Variants in CTTNBP2 observed in about 807,000 individuals in gnomAD.
The protein encoded by CTTNBP2 is cortactin binding protein 2, also known as cortactin-binding protein 2.
Under a neutral mutation model 156.9 loss-of-function variants are expected in CTTNBP2, and 108 were observed. The ratio of observed to expected loss-of-function variants is 0.69; its 90% CI spans 0.59 to 0.81. CTTNBP2 has a LOEUF of 0.81. Among genes scored for constraint, CTTNBP2 ranks in the 30% least tolerant of loss-of-function variants. The pLI is 0.00. For missense variants in CTTNBP2, 1,924 were observed against 2,035.4 expected (o/e 0.95, Z 1.05); for synonymous variants, 767 against 751.8 (o/e 1.02, Z -0.33).
rs1453978918 is a variant in CTTNBP2 at position 117,748,554 on chromosome 7, A to G, written c.3349-2455T>C. Among the ~76,000 whole-genome samples, 3 of 152,158 alleles carry G rather than the reference A, an allele frequency of 2.0e-5. No individual in the cohort carries two copies. The East Asian group carries it at 5.8e-4, about 29-fold the overall frequency. ...TCAAGTTAGTCTTGCACAACACGCA[A>G]AATATTCACGATCTCACTTCTGTTC... On this transcript the variant is annotated intron_variant, in intron 12 of 22. Coordinates refer to ENST00000160373, the MANE Select transcript of CTTNBP2 (RefSeq NM_033427.3).
chr7:117,818,131 C>T (rs926672822), intron 2 of CTTNBP2, among the ~76,000 whole-genome samples: 3 of 152,166 alleles, frequency 2.0e-5, no homozygotes, highest in African/African-American at 7.2e-5. Flanking sequence ...TGTATTTGTA[C>T]TTCCATTATT....
intron 2 of CTTNBP2, among the ~76,000 whole-genome samples, chr7:117,827,464 C>T (rs370330197): frequency 6.6e-6 from 1 of 152,096 alleles, no homozygotes; most frequent in African/African-American, 2.4e-5. Flanking sequence ...TCGTCTAGGA[C>T]ATTTCAACTC....
chr7:117,861,096 T>A (rs556992448), intron 2 of CTTNBP2, 113 bp downstream of exon 2: 1 of 666,340 alleles, frequency 1.5e-6, no homozygotes, highest in African/African-American at 1.8e-5. Flanking sequence ...TTTGACCTGA[T>A]GTAACATTTT....
chr7:117,811,403 C>T (rs1230798123), intron 2 of CTTNBP2, among the ~76,000 whole-genome samples: 1 of 151,812 alleles, frequency 6.6e-6, no homozygotes, highest in African/African-American at 2.4e-5. Context: ...TGGGCTCAAA[C>T]AATCCTCCTG....
rs1717961674 is a variant in CTTNBP2 at position 117,735,318 on chromosome 7, C to T, written c.3639G>A (p.Leu1213=). The change falls in exon 15 of 23, where the codon TTG becomes TTA. Residue 1213 remains leucine, a synonymous_variant. Coordinates refer to ENST00000160373, the MANE Select transcript of CTTNBP2 (RefSeq NM_033427.3). The part of the protein sequence containing the change: ...SSLSELLRDF[L]APLENRSTES... The stretch of plus-strand genomic sequence containing the variant: ...CAGTGCTGCGATTTTCAAGAGGTGC[C>T]AAAAAGTCCCTCAATAACTCCGACA... 3 of 1,613,788 alleles carry T rather than the reference C, an allele frequency of 1.9e-6. No individual in the cohort carries two copies. The highest frequency in any genetic ancestry group is 2.5e-6 in the Non-Finnish European group (3 of 1,179,954).
intron 10 of CTTNBP2, among the ~76,000 whole-genome samples, chr7:117,758,786 C>A (rs1452666010): frequency 6.6e-6 from 1 of 152,174 alleles, no homozygotes; most frequent in Non-Finnish European, 1.5e-5. Context: ...CCACAAAACT[C>A]AACGATTTTT....
At chr7:117,794,082 G>A (rs1031279710) in intron 3 of CTTNBP2, among the ~76,000 whole-genome samples, 1 of 152,170 alleles carries the variant, frequency 6.6e-6, no homozygotes, top group Non-Finnish European at 1.5e-5. Context: ...GGCACACAGT[G>A]GTGCTTAATA....
chr7:117,787,530 C>T (rs893874801), intron 4 of CTTNBP2, among the ~76,000 whole-genome samples: 1 of 152,044 alleles, frequency 6.6e-6, no homozygotes, highest in Non-Finnish European at 1.5e-5. Context: ...CAAATTAAAT[C>T]AAATGTATCA....
chr7:117,834,046 T>C lies in CTTNBP2; in HGVS notation c.190-23057A>G, dbSNP rs377128189. Among the ~76,000 whole-genome samples the C allele has an allele frequency of 1.5e-3, 207 of 136,212 alleles. 1 individual carries two copies. Among genetic ancestry groups the C allele is most frequent in the African/African-American group, 4.7e-3 (171 of 36,596 alleles). The allele number at this position is 136,212 out of a possible 152,430, so 89.4% of individuals were successfully genotyped here. On this transcript the variant is annotated intron_variant, in intron 2 of 22. Transcript: ENST00000160373. ...TATTCACTTTGGAACATATTTTCTT[T>C]TTTCTTTCTTCTTTTTTTTTTTTGA...
At chr7:117,779,127 C>A (rs1296252844) in intron 7 of CTTNBP2, among the ~76,000 whole-genome samples, 1 of 152,094 alleles carries the variant, frequency 6.6e-6, no homozygotes, top group African/African-American at 2.4e-5. Context: ...TTGGCTAAGA[C>A]AAGACTATGG....
At chr7:117,714,903 G>GTTTAATGCTTCCTGGGCT (rs879817078) in intron 22 of CTTNBP2, among the ~76,000 whole-genome samples, 17 of 152,182 alleles carry the variant, frequency 1.1e-4, no homozygotes, top group Non-Finnish European at 2.4e-4. Flanking sequence ...AGTTACAGGT[G>GTTTAATGCTTCCTGGGCT]TTTAATGCTT....
chr7:117,809,608 T>C (rs567402738), intron 3 of CTTNBP2, among the ~76,000 whole-genome samples: 8 of 152,356 alleles, frequency 5.3e-5, no homozygotes, highest in African/African-American at 1.9e-4. Flanking sequence ...GAAAGCCTTC[T>C]ATTTTTCTTT....
chr7:117,715,889 C>T (rs920152096), intron 22 of CTTNBP2: 4 of 152,184 alleles, frequency 2.6e-5, no homozygotes, highest in Non-Finnish European at 5.9e-5. Context: ...ACAGAAGAAA[C>T]TGGGCATCTA....
chr7:117,838,519 A>T (rs1802082582), intron 2 of CTTNBP2, among the ~76,000 whole-genome samples: 1 of 152,198 alleles, frequency 6.6e-6, no homozygotes, highest in Admixed American at 6.5e-5. Context: ...AAAATTTTAA[A>T]AATTCATTAA....
chr7:117,735,397 G>T lies in CTTNBP2; in HGVS notation c.3560C>A (p.Ser1187Tyr). ...GATGATGATTTTCTTCTTACTGGGA[G>T]ATTGTTTCACTGGGATCAGACAAGC... ...SSACLIPVKQ[S>Y]PSKKKIIIIL... Residue 1187 changes from serine (S) to tyrosine (Y), a missense_variant, in exon 15 of 23, where the codon TCT becomes TAT. Transcript: ENST00000160373. 1 of 1,613,312 alleles carries T rather than the reference G, an allele frequency of 6.2e-7. No homozygotes were observed. The highest frequency in any genetic ancestry group is 1.7e-5 in the Admixed American group (1 of 59,936).
At position 117,792,420 on chromosome 7, in the gene CTTNBP2, A is replaced by G. The variant is rs1799082113; in HGVS notation, c.776T>C (p.Ile259Thr). 6.2e-7 allele frequency: 1 copy of G among 1,613,950 alleles called. No homozygotes were observed. Among genetic ancestry groups the G allele is most frequent in the Non-Finnish European group, 8.5e-7 (1 of 1,179,994 alleles). The stretch of plus-strand genomic sequence containing the variant: ...CTCAATCATTTTCCTCATCTTGTCT[A>G]TCTCCTCTTTGAGGTCAGTGGTGTG... ...EAHTTDLKEE[I>T]DKMRKMIEQL... The change falls in exon 4 of 23, where the codon ATA (isoleucine) becomes ACA (threonine). Residue 259 changes from isoleucine (I) to threonine (T), a missense_variant. Ile to Thr is a moderately conservative substitution (Grantham distance 89). Transcript: ENST00000160373. This position sits in a 1 kb window ranked among gnomAD's most constrained non-coding sequence, Gnocchi z 4.2.
chr7:117,868,274 T>G (rs1402588917), intron 1 of CTTNBP2, among the ~76,000 whole-genome samples: 1 of 152,206 alleles, frequency 6.6e-6, no homozygotes, highest in African/African-American at 2.4e-5. Flanking sequence ...ATCTGCACGC[T>G]GATTTTCAAA....
At chr7:117,757,438 T>C (rs1338121360) in intron 11 of CTTNBP2, among the ~76,000 whole-genome samples, 2 of 148,434 alleles carry the variant, frequency 1.3e-5, no homozygotes, top group Admixed American at 6.9e-5. Context: ...TATAGTATGC[T>C]ATAAACAACA....
In CTTNBP2 at chr7:117,744,634, C is replaced by T. The variant is rs577565213; in HGVS notation, c.3535+1197G>A. Among the ~76,000 whole-genome samples the T allele has an allele frequency of 9.2e-5, 14 of 152,238 alleles. No individual in the cohort carries two copies. In the East Asian group the frequency reaches 2.7e-3, roughly 29 times the overall value. Reference sequence around the variant, plus strand: ...GCACGGTGGCTCACGCTTGTAATCCCAGCACTTTGGGAGACCCAAGGCAGG... The same window carrying T: ...GCACGGTGGCTCACGCTTGTAATCCTAGCACTTTGGGAGACCCAAGGCAGG... On this transcript the variant is annotated intron_variant, in intron 14 of 22. Coordinates refer to ENST00000160373, the MANE Select transcript of CTTNBP2 (RefSeq NM_033427.3).
Sources: allele counts gnomAD v4.1 joint callset (sites outside exome capture counted in the v4.1 genomes callset), GRCh38; gene constraint gnomAD v4.1.1; non-coding constraint Gnocchi (gnomAD v3.1); transcripts MANE v1.5; gene names NCBI Gene and HGNC (gene_info 2026-07-23, HGNC 2026-07-21).